The following DHX8 variants were observed in gnomAD, a reference collection of about 807,000 sequenced individuals.
The protein encoded by DHX8 is DEAH-box helicase 8, also known as ATP-dependent RNA helicase DHX8.
In DHX8, 67 loss-of-function variants were observed where a neutral mutation model predicts 140.7. The ratio of observed to expected loss-of-function variants is 0.48; its 90% CI spans 0.39 to 0.58. The LOEUF (loss-of-function observed/expected upper bound fraction) is 0.58. DHX8 is among the 20% of genes least tolerant of loss of function. The probability of loss-of-function intolerance (pLI) is 0.00; values close to 1 mark genes in which losing one functional copy is unlikely to be tolerated. For synonymous variants in DHX8, 533 were observed against 553.2 expected (o/e 0.96, Z 0.51); for missense variants, 887 against 1,550.7 (o/e 0.57, Z 7.19).
chr17:43,502,307 C>T (rs920857279), intron 11 of DHX8, among the ~76,000 whole-genome samples: 2 of 152,194 alleles, frequency 1.3e-5, no homozygotes, highest in Non-Finnish European at 2.9e-5. Flanking sequence ...AATCCCAACA[C>T]TTTGGGAGGC....
In DHX8 at chr17:43,524,759, T is replaced by G; in HGVS notation, c.*912T>G. 1 of 985,468 alleles carries G rather than the reference T, an allele frequency of 1.0e-6. No homozygotes were observed. Among genetic ancestry groups the G allele is most frequent in the Non-Finnish European group, 1.2e-6 (1 of 829,936 alleles). The allele number at this position is 985,468 out of a possible 1,614,324, so 61.0% of individuals were successfully genotyped here. A position where few individuals can be genotyped will look rare whatever the true frequency, so the allele number is the denominator to read the frequency against. ...TATTTTTTTCCCCTGAGGTCCTGGATGGACTTTAACAAAGGGATTTTATGG... is the reference window on the plus strand; with the variant it reads ...TATTTTTTTCCCCTGAGGTCCTGGAGGGACTTTAACAAAGGGATTTTATGG... On this transcript the variant is annotated 3_prime_UTR_variant, in exon 23 of 23. Transcript: ENST00000262415.
Position 43,507,619 on chromosome 17 carries a change from G to T in DHX8, c.2040G>T (p.Ala680=), listed in dbSNP as rs774213006. The T allele has an allele frequency of 9.9e-6, 16 of 1,614,012 alleles. No individual in the cohort carries two copies. The highest frequency in any genetic ancestry group is 1.3e-5 in the African/African-American group (1 of 74,896). The change falls in exon 14 of 23, where the codon GCG becomes GCT. Residue 680 remains alanine, a synonymous_variant. Transcript: ENST00000262415. ...TTGACCCTGACCTCACTCAGTACGC[G>T]ATCATCATGTTGGACGAGGCACATG... ...CLIDPDLTQY[A]IIMLDEAHER...
downstream of DHX8, chr17:43,526,192 GC>G (rs1159605109): frequency 2.0e-5 from 20 of 985,364 alleles, no homozygotes; most frequent in Non-Finnish European, 2.4e-5. Flanking sequence ...ACACAATGGA[GC>G]CCTTGTTTCT....
intron 2 of DHX8, chr17:43,533,089 C>G: frequency 2.0e-6 from 3 of 1,525,910 alleles, no homozygotes; most frequent in Non-Finnish European, 2.7e-6. Context: ...CCACTGCCCC[C>G]TGCCTCTACC....
intron 17 of DHX8, among the ~76,000 whole-genome samples, chr17:43,514,734 A>G (rs1425833709): frequency 1.3e-5 from 2 of 152,218 alleles, no homozygotes; most frequent in Non-Finnish European, 2.9e-5. Flanking sequence ...GGATTGGTTT[A>G]TATCAGAGGA....
intron 16 of DHX8, among the ~76,000 whole-genome samples, chr17:43,512,386 C>CAAAAAAA (rs373398276): frequency 1.0e-5 from 1 of 100,330 alleles, no homozygotes. Context: ...GACTCTATCT[C>CAAAAAAA]AAAAAAAAAA....
At chr17:43,535,652 C>T (rs534046219) in intron 2 of DHX8, among the ~76,000 whole-genome samples, 3 of 152,262 alleles carry the variant, frequency 2.0e-5, no homozygotes, top group South Asian at 2.1e-4. Flanking sequence ...TTGTAAGGAG[C>T]GGTCCTGAGC....
intron 16 of DHX8, among the ~76,000 whole-genome samples, chr17:43,510,292 C>T (rs1969747422): frequency 6.6e-6 from 1 of 152,128 alleles, no homozygotes; most frequent in African/African-American, 2.4e-5. Flanking sequence ...AGATGATCTG[C>T]CCCCCTCGGC....
chr17:43,520,347 C>G (rs1970316357), intron 19 of DHX8, 80 bp downstream of exon 19: 1 of 1,515,316 alleles, frequency 6.6e-7, no homozygotes, highest in Non-Finnish European at 8.9e-7. Context: ...TGTACAAAAT[C>G]AGGCTGAGGC....
chr17:43,492,462 G>C (rs1022411030), intron 5 of DHX8, among the ~76,000 whole-genome samples, 170 bp downstream of exon 5: 4 of 152,168 alleles, frequency 2.6e-5, no homozygotes, highest in African/African-American at 9.7e-5. Context: ...GCAAATGCTA[G>C]GTTGTTCAGA....
At chr17:43,530,240 G>A, downstream of DHX8, 1 of 1,550,910 alleles carries the variant, frequency 6.4e-7, no homozygotes, top group Non-Finnish European at 8.7e-7. Context: ...GAGGGCAGGG[G>A]AGGAGGAAGT....
At chr17:43,501,268 G>T (rs903935981) in intron 11 of DHX8, among the ~76,000 whole-genome samples, 13 of 152,268 alleles carry the variant, frequency 8.5e-5, no homozygotes, top group African/African-American at 3.1e-4. Flanking sequence ...TGGGATGGAG[G>T]TTGGGGAGTA....
At chr17:43,534,130 G>A (rs1286019478) in intron 2 of DHX8, 6 of 827,012 alleles carry the variant, frequency 7.3e-6, no homozygotes, top group Admixed American at 4.2e-5. Context: ...TCTGAGACCC[G>A]CAGTGAGACA....
At chr17:43,533,152 G>A (rs767010812) in intron 2 of DHX8, 51 of 1,607,458 alleles carry the variant, frequency 3.2e-5, no homozygotes, top group South Asian at 2.2e-4. Context: ...AAAAACACCT[G>A]GGCCCATGAG....
chr17:43,523,713 G>A lies in DHX8; in HGVS notation c.3529G>A (p.Ala1177Thr). Residue 1177 changes from alanine (A) to threonine (T), a missense_variant, in exon 23 of 23, where the codon GCC (alanine) becomes ACC (threonine). Coordinates refer to ENST00000262415, the MANE Select transcript of DHX8 (RefSeq NM_004941.3). ...TIDPRWLVEF[A>T]PAFFKVSDPT... Reference sequence around the variant, plus strand: ...CGACCCTCGGTGGCTTGTGGAGTTTGCCCCAGCCTTCTTCAAGGTCTCAGA... The same window carrying A: ...CGACCCTCGGTGGCTTGTGGAGTTTACCCCAGCCTTCTTCAAGGTCTCAGA... 1.9e-6 allele frequency: 3 copies of A among 1,614,140 alleles called. No individual in the cohort carries two copies. Among genetic ancestry groups the A allele is most frequent in the Non-Finnish European group, 2.5e-6 (3 of 1,180,028 alleles).
intron 2 of DHX8, among the ~76,000 whole-genome samples, chr17:43,534,749 G>T (rs1449787238): frequency 6.6e-6 from 1 of 152,134 alleles, no homozygotes; most frequent in African/African-American, 2.4e-5. Context: ...AGACCAGCCT[G>T]ACCAACATAG....
chr17:43,531,131 G>A (rs907024979), downstream of DHX8, among the ~76,000 whole-genome samples: 1 of 152,218 alleles, frequency 6.6e-6, no homozygotes, highest in Non-Finnish European at 1.5e-5. Flanking sequence ...TAGTTGGACA[G>A]CCTGGGGGGT....
chr17:43,517,558 G>C, intron 18 of DHX8: 1 of 488,836 alleles, frequency 2.0e-6, no homozygotes, highest in Non-Finnish European at 3.6e-6. Context: ...CAGGATATTA[G>C]GTTGTAAAAG....
At chr17:43,512,457 A>G (rs974670127) in intron 16 of DHX8, among the ~76,000 whole-genome samples, 5 of 151,440 alleles carry the variant, frequency 3.3e-5, no homozygotes, top group Non-Finnish European at 7.4e-5. Context: ...CTTGGTGGGT[A>G]CTAGCAGGTA....
Sources: allele counts gnomAD v4.1 joint callset (sites outside exome capture counted in the v4.1 genomes callset), GRCh38; gene constraint gnomAD v4.1.1; transcripts MANE v1.5; gene names NCBI Gene and HGNC (gene_info 2026-07-23, HGNC 2026-07-21).